DHX34: variants seen among roughly 807,000 people sequenced by gnomAD.
DHX34 encodes the protein DExH-box helicase 34.
Under a neutral mutation model 111.1 loss-of-function variants are expected in DHX34, and 96 were observed. The observed-to-expected ratio is 0.86, with a 90% CI of 0.73 to 1.02. DHX34 has a LOEUF of 1.02. Ranked by LOEUF, DHX34 falls within the 50% of genes least tolerant of loss-of-function variation. DHX34 has a pLI of 0.00. For missense variants in DHX34, 1,560 were observed against 1,579.9 expected (o/e 0.99, Z 0.21); for synonymous variants, 688 against 670.4 (o/e 1.03, Z -0.41).
rs34802163 is a variant in DHX34, at chr19:47,355,232, C to T, written c.899C>T (p.Pro300Leu). The T allele has an allele frequency of 1.2e-6, 2 of 1,614,186 alleles. No homozygotes were observed. ...FLLGVLQRLL[P>L]TRPDLKVILM... ...CTGGGCGTCCTCCAGCGCCTGTTGCCCACGCGGCCTGACCTCAAGGTCATC... is the reference window on the plus strand; with the variant it reads ...CTGGGCGTCCTCCAGCGCCTGTTGCTCACGCGGCCTGACCTCAAGGTCATC... Residue 300 changes from proline to leucine, a missense_variant, in exon 3 of 17, where the codon CCC becomes CTC. Transcript: ENST00000328771.
Position 47,357,959 on chromosome 19 carries a change from C to A in DHX34, c.1111C>A (p.His371Asn). 6.2e-7 allele frequency: 1 copy of A among 1,614,040 alleles called. No homozygotes were observed. The highest frequency in any genetic ancestry group is 1.7e-5 in the Admixed American group (1 of 60,028). ...PFLRVLESID[H>N]KYPPEERGDL... ...CCTGAGGGTGCTGGAGTCCATTGAC[C>A]ACAAGTACCCGCCTGAGGAGCGGGG... Residue 371 changes from histidine to asparagine, a missense_variant, in exon 4 of 17, where the codon CAC (histidine) becomes AAC (asparagine). Physicochemically the swap from His to Asn is moderately conservative, Grantham distance 68 (BLOSUM62 1). Coordinates refer to ENST00000328771, the MANE Select transcript of DHX34 (RefSeq NM_014681.6).
Position 47,358,772 on chromosome 19 carries a change from G to T in DHX34, c.1272+652G>T, listed in dbSNP as rs150392504. ...TGGGACTACAGGCACCCGCCACCAC[G>T]TCCGGCTAATCTTTTGTATATTGAG... On this transcript the variant is annotated intron_variant, in intron 4 of 16. Transcript: ENST00000328771. 6.6e-3 allele frequency among the ~76,000 whole-genome samples: 1,011 copies of T among 152,114 alleles called. 3 individuals are homozygous for T. The highest frequency in any genetic ancestry group is 0.01 in the Non-Finnish European group (693 of 67,986).
At chr19:47,352,371 T>G (rs1969313034) in intron 1 of DHX34, among the ~76,000 whole-genome samples, 1 of 152,244 alleles carries the variant, frequency 6.6e-6, no homozygotes. Context: ...AGAAACAGGC[T>G]GTTAGAAATG....
intron 6 of DHX34, 28 bp from the exon 7 acceptor site, chr19:47,366,953 A>C: frequency 3.9e-6 from 6 of 1,532,890 alleles, no homozygotes; most frequent in Non-Finnish European, 5.3e-6. Context: ...GTGTTCCCCA[A>C]TCTTGGGGGT....
Position 47,382,169 on chromosome 19 carries a change from A to C in DHX34, c.*56A>C, listed in dbSNP as rs1253750642. ...CAGCTGACCTGCCCTCCAGCCCAGGACTAGGGGCAGGACTCTTGCCTGAAC... is the reference window on the plus strand; with the variant it reads ...CAGCTGACCTGCCCTCCAGCCCAGGCCTAGGGGCAGGACTCTTGCCTGAAC... On this transcript the variant is annotated 3_prime_UTR_variant, in exon 17 of 17. Coordinates refer to ENST00000328771, the MANE Select transcript of DHX34 (RefSeq NM_014681.6). 7 of 1,602,766 alleles carry C rather than the reference A, an allele frequency of 4.4e-6. No homozygotes were observed. In the Admixed American group the frequency reaches 6.9e-5, roughly 16 times the overall value.
At position 47,353,370 on chromosome 19, in the gene DHX34, GC is replaced by G; in HGVS notation, c.342del (p.Thr115ArgfsTer61). 6.2e-7 allele frequency: 1 copy of G among 1,614,192 alleles called. No individual in the cohort carries two copies. The highest frequency in any genetic ancestry group is 8.5e-7 in the Non-Finnish European group (1 of 1,180,048). On this transcript the variant is annotated frameshift_variant, in exon 2 of 17. Transcript: ENST00000328771. LOFTEE classifies it high-confidence loss of function. This position sits in a 1 kb window ranked among gnomAD's most constrained non-coding sequence, Gnocchi z 4.6. ...CATCAACCTCTCTGTTCTTGGCCCT[GC>G]CACGCGGGGCTCTCAGGGACTGGGC... ...YRINLSVLGP[A>X]TRGSQGLGRH...
At chr19:47,378,495 C>T (rs1019712642) in intron 13 of DHX34, among the ~76,000 whole-genome samples, 19 of 152,272 alleles carry the variant, frequency 1.2e-4, no homozygotes, top group South Asian at 4.1e-4. Context: ...CCGCAGGAAG[C>T]GGAACAGACC....
chr19:47,359,134 AG>A (rs1382431106), intron 4 of DHX34, among the ~76,000 whole-genome samples: 1 of 152,174 alleles, frequency 6.6e-6, no homozygotes, highest in Non-Finnish European at 1.5e-5. Flanking sequence ...GGACCAGGGC[AG>A]GGGCTGGGCT....
rs755323904 is a variant in DHX34, at chr19:47,362,662, G to A, written c.1562G>A (p.Arg521Gln). ...AFAPYPVPEI[R>Q]RVALDSLVLQ... ...GCCCCCTACCCCGTCCCAGAAATTC[G>A]GAGGGTGGCCCTGGACTCGTTGGTG... The change falls in exon 6 of 17, where the codon CGG (arginine) becomes CAG (glutamine). Residue 521 changes from arginine to glutamine, a missense_variant. Physicochemically the swap from Arg to Gln is conservative, Grantham distance 43. Transcript: ENST00000328771. The A allele has an allele frequency of 2.5e-6, 4 of 1,613,174 alleles. No individual in the cohort carries two copies. Among genetic ancestry groups the A allele is most frequent in the East Asian group, 2.2e-5 (1 of 44,846 alleles).
intron 3 of DHX34, chr19:47,357,665 T>G: frequency 3.5e-4 from 283 of 815,900 alleles, no homozygotes; most frequent in South Asian, 5.0e-4. Flanking sequence ...TCCTGCCCAA[T>G]GAGATGGTGG....
chr19:47,355,334 G>T lies in DHX34; in HGVS notation c.1001G>T (p.Arg334Met). Residue 334 changes from arginine (R) to methionine (M), a missense_variant, in exon 3 of 17, where the codon AGG becomes ATG. By Grantham distance (91) the Arg-to-Met change is moderately conservative (BLOSUM62 -1). Coordinates refer to ENST00000328771, the MANE Select transcript of DHX34 (RefSeq NM_014681.6). ...GCCCCTGTGGTACAGGTGCCTGGGA[G>T]GCTGTTCCCCATCACGGTGAGTACT... ...SNAPVVQVPG[R>M]LFPITVVYQP... is the part of the protein sequence containing the mutation. 6.2e-7 allele frequency: 1 copy of T among 1,613,172 alleles called. No individual in the cohort carries two copies. Among genetic ancestry groups the T allele is most frequent in the South Asian group, 1.1e-5 (1 of 91,078 alleles).
intron 14 of DHX34, among the ~76,000 whole-genome samples, chr19:47,380,542 TTGAAGGTTAGAC>T (rs1970319568): frequency 1.3e-5 from 2 of 151,500 alleles, no homozygotes; most frequent in Non-Finnish European, 2.9e-5. Context: ...GTGGCCAGAC[TTGAAGGTTAGAC>T]TCAAGGTCTG....
At chr19:47,368,674 A>T (rs574706393) in intron 7 of DHX34, among the ~76,000 whole-genome samples, 60 of 150,536 alleles carry the variant, frequency 4.0e-4, no homozygotes, top group Non-Finnish European at 6.0e-4. Flanking sequence ...ACACACACAT[A>T]TATATACATA....
Position 47,353,366 on chromosome 19 carries a change from C to T in DHX34, c.336C>T (p.Gly112=). The T allele has an allele frequency of 6.2e-7, 1 of 1,614,196 alleles. No homozygotes were observed. The highest frequency in any genetic ancestry group is 8.5e-7 in the Non-Finnish European group (1 of 1,180,050). The change falls in exon 2 of 17, where the codon GGC becomes GGT. Residue 112 remains glycine, a synonymous_variant. Coordinates refer to ENST00000328771, the MANE Select transcript of DHX34 (RefSeq NM_014681.6). The surrounding 1 kb of genome is among the most constrained non-coding windows in gnomAD (Gnocchi z 4.6). ...ACCGCATCAACCTCTCTGTTCTTGG[C>T]CCTGCCACGCGGGGCTCTCAGGGAC... ...PRYRINLSVL[G]PATRGSQGLG... is the part of the protein sequence containing the mutation.
At chr19:47,365,622 G>GAGC (rs1416316229) in intron 6 of DHX34, among the ~76,000 whole-genome samples, 136 of 152,256 alleles carry the variant, frequency 8.9e-4, no homozygotes, top group African/African-American at 3.2e-3. Flanking sequence ...AGGGAGGAAG[G>GAGC]AGCAGCAGCT....
intron 6 of DHX34, among the ~76,000 whole-genome samples, chr19:47,364,527 A>G (rs974783552): frequency 2.0e-5 from 3 of 152,104 alleles, no homozygotes; most frequent in African/African-American, 7.2e-5. Context: ...GGATTGCTTG[A>G]GGCCAGGAAG....
intron 8 of DHX34, 86 bp downstream of exon 8, chr19:47,373,009 C>T (rs999424286): frequency 9.8e-5 from 141 of 1,443,320 alleles, no homozygotes; most frequent in Non-Finnish European, 1.0e-4. Flanking sequence ...CGTGTCCCAC[C>T]CTCAGCCCCA....
At chr19:47,376,155 C>A in intron 11 of DHX34, 58 bp downstream of exon 11, 1 of 1,518,150 alleles carries the variant, frequency 6.6e-7, no homozygotes, top group African/African-American at 1.4e-5. Context: ...ACCCTGAGTG[C>A]CTGTCCTGTG....
intron 11 of DHX34, 32 bp from the exon 12 acceptor site, chr19:47,376,411 G>A: frequency 6.3e-7 from 1 of 1,598,514 alleles, no homozygotes; most frequent in Non-Finnish European, 8.5e-7. Flanking sequence ...GAGCAGATAG[G>A]AGGGCTTGTG....
Sources: gnomAD v4.1 joint callset for allele counts (sites outside exome capture counted in the v4.1 genomes callset) on GRCh38, gnomAD v4.1.1 for gene constraint, Gnocchi (gnomAD v3.1) non-coding constraint, MANE v1.5 for transcripts, NCBI Gene and HGNC (gene_info 2026-07-23, HGNC 2026-07-21) for gene names.